Variants in NOL7 observed in about 807,000 individuals in gnomAD.
The protein encoded by NOL7 is U3 small nucleolar RNA-associated protein NOL7.
NOL7 carries 36 observed loss-of-function variants against 38.4 expected under a neutral mutation model. The observed-to-expected ratio is 0.94, with a 90% confidence interval of 0.72 to 1.24. NOL7 has a LOEUF of 1.24. Ranked by LOEUF, NOL7 falls within the 50% of genes most tolerant of loss-of-function variation. The pLI, the probability that NOL7 is intolerant of heterozygous loss-of-function variation, is 0.00. For missense variants in NOL7, 350 were observed against 315.1 expected (o/e 1.11, Z -0.84); for synonymous variants, 142 against 126.5 (o/e 1.12, Z -0.82).
rs1284934253 is a variant in NOL7, at chr6:13,621,097, A to C, written c.*270A>C. 1 of 210,546 alleles carries C rather than the reference A, an allele frequency of 4.7e-6. No individual in the cohort carries two copies. The highest frequency in any genetic ancestry group is 5.5e-5 in the Admixed American group (1 of 18,114). The allele number at this position is 210,546 out of a possible 1,614,324, so 13.0% of individuals were successfully genotyped here. A position where few individuals can be genotyped will look rare whatever the true frequency, so the allele number is the denominator to read the frequency against. On this transcript the variant is annotated 3_prime_UTR_variant, in exon 8 of 8. Transcript: ENST00000451315. Reference sequence around the variant, plus strand: ...ACCTCTTCTACTCTCCCCGGGTTAGAGGGGTGGCAAAAATGGCACGGACTA... The same window carrying C: ...ACCTCTTCTACTCTCCCCGGGTTAGCGGGGTGGCAAAAATGGCACGGACTA...
At chr6:13,626,262 TTCAG>T (rs1392074826), downstream of NOL7, among the ~76,000 whole-genome samples, 1 of 152,264 alleles carries the variant, frequency 6.6e-6, no homozygotes, top group African/African-American at 2.4e-5. Flanking sequence ...TGTTTATGCA[TTCAG>T]TATTTCCAAC....
At chr6:13,629,139 C>T (rs1355416320) in intron 8 of NOL7, among the ~76,000 whole-genome samples, 1 of 152,152 alleles carries the variant, frequency 6.6e-6, no homozygotes, top group Non-Finnish European at 1.5e-5. Flanking sequence ...GAGACAGGGT[C>T]TTGCTATGTC....
At chr6:13,618,973 CT>C (rs554539616) in intron 5 of NOL7, among the ~76,000 whole-genome samples, 98 of 152,190 alleles carry the variant, frequency 6.4e-4, no homozygotes, top group African/African-American at 2.1e-3. Context: ...AGTTCAAAAA[CT>C]TTTTTTTAGT....
At position 13,620,132 on chromosome 6, in the gene NOL7, G is replaced by C. The variant is rs895665701; in HGVS notation, c.501-76G>C. On this transcript the variant is annotated intron_variant, in intron 5 of 7. Transcript: ENST00000451315. ...TCGCGCAGCCTGGGTGACAGAGCGA[G>C]ACTCTGTCTCAGGAAGAAAAAAAAA... is the stretch of plus-strand genomic sequence containing the variant. 11 of 1,473,704 alleles carry C rather than the reference G, an allele frequency of 7.5e-6. No homozygotes were observed. The African/African-American group carries it at 1.6e-4, about 21-fold the overall frequency. 91.3% of individuals were successfully genotyped at this position (1,473,704 alleles called of 1,614,324 possible).
At chr6:13,619,352 T>A (rs550156900) in intron 5 of NOL7, among the ~76,000 whole-genome samples, 5 of 152,392 alleles carry the variant, frequency 3.3e-5, no homozygotes, top group African/African-American at 1.2e-4. Flanking sequence ...TGGCCGATAC[T>A]GTGGACGATG....
chr6:13,624,791 C>T (rs1408524343), downstream of NOL7, among the ~76,000 whole-genome samples: 3 of 152,180 alleles, frequency 2.0e-5, no homozygotes, highest in African/African-American at 7.2e-5. Flanking sequence ...CCTCACCCAC[C>T]CTTTTTATTG....
intron 3 of NOL7, among the ~76,000 whole-genome samples, chr6:13,617,549 C>G: frequency 6.6e-6 from 1 of 152,168 alleles, no homozygotes; most frequent in East Asian, 1.9e-4. Flanking sequence ...CTAATAGGCT[C>G]TCAGATTTTA....
chr6:13,630,849 T>C (rs1434948207), intron 8 of NOL7, among the ~76,000 whole-genome samples: 1 of 152,124 alleles, frequency 6.6e-6, no homozygotes, highest in African/African-American at 2.4e-5. Flanking sequence ...TTCTATTTTT[T>C]TTTTTTTAAG....
rs1764428186 is a variant in NOL7 at position 13,620,956 on chromosome 6, T to C, written c.*129T>C. ...TGAGGAAGTGCTCAACCACATTTCA[T>C]TCTTCTGGAGTAGAACTGTGCCTTG... On this transcript the variant is annotated 3_prime_UTR_variant, in exon 8 of 8. Transcript: ENST00000451315. 3.3e-6 allele frequency: 2 copies of C among 605,884 alleles called. No homozygotes were observed. The highest frequency in any genetic ancestry group is 5.7e-6 in the Non-Finnish European group (2 of 352,970). The allele number at this position is 605,884 out of a possible 1,614,324, so 37.5% of individuals were successfully genotyped here. A position where few individuals can be genotyped will look rare whatever the true frequency, so the allele number is the denominator to read the frequency against.
chr6:13,631,364 T>C (rs1310648403), intron 8 of NOL7, among the ~76,000 whole-genome samples: 2 of 152,216 alleles, frequency 1.3e-5, no homozygotes, highest in Non-Finnish European at 2.9e-5. Flanking sequence ...TGTCCTACAC[T>C]TGTGCTATGT....
intron 5 of NOL7, among the ~76,000 whole-genome samples, chr6:13,618,697 CTAGG>C (rs1764354059): frequency 6.6e-6 from 1 of 151,834 alleles, no homozygotes; most frequent in Admixed American, 6.6e-5. Context: ...CAAGACCAGC[CTAGG>C]CAACATGGTA....
chr6:13,627,820 T>C (rs1358791656), intron 8 of NOL7, among the ~76,000 whole-genome samples: 1 of 152,060 alleles, frequency 6.6e-6, no homozygotes, highest in East Asian at 1.9e-4. Context: ...ACTATATTCA[T>C]AGCCTACATC....
intron 3 of NOL7, among the ~76,000 whole-genome samples, chr6:13,617,465 CT>C (rs1313864195): frequency 7.2e-5 from 11 of 152,190 alleles, no homozygotes; most frequent in Admixed American, 4.6e-4. Flanking sequence ...ATTTCAAATA[CT>C]TTATAACTTG....
At chr6:13,622,228 G>C, downstream of NOL7, 1 of 872,498 alleles carries the variant, frequency 1.1e-6, no homozygotes, top group Non-Finnish European at 1.6e-6. Context: ...CTGTAAACTA[G>C]GAAGCAATGT....
chr6:13,628,059 T>C (rs551240556), intron 8 of NOL7, among the ~76,000 whole-genome samples: 10 of 152,190 alleles, frequency 6.6e-5, no homozygotes, highest in Non-Finnish European at 1.3e-4. Flanking sequence ...TGCACTAATA[T>C]TGTGTGAAGA....
rs143778341 is a variant in NOL7, at chr6:13,620,230, G to A, written c.523G>A (p.Val175Ile). The change falls in exon 6 of 8, where the codon GTA becomes ATA. Residue 175 changes from valine to isoleucine, a missense_variant. Val to Ile is a conservative substitution (Grantham distance 29). Coordinates refer to ENST00000451315, the MANE Select transcript of NOL7 (RefSeq NM_016167.5). ...SVSQNKSYLA[V>I]RLKDQDLRDS... Reference sequence around the variant, plus strand: ...CAGCCAGAATAAAAGCTACTTGGCCGTAAGGCTAAAAGACCAAGATCTGAG... The same window carrying A: ...CAGCCAGAATAAAAGCTACTTGGCCATAAGGCTAAAAGACCAAGATCTGAG... The A allele has an allele frequency of 1.9e-5, 31 of 1,613,264 alleles. No homozygotes were observed. In the East Asian group the frequency reaches 2.7e-4, roughly 14 times the overall value.
Position 13,620,764 on chromosome 6 carries a change from A to G in NOL7, c.711A>G (p.Lys237=), listed in dbSNP as rs1424817454. The G allele has an allele frequency of 6.3e-7, 1 of 1,595,968 alleles. No individual in the cohort carries two copies. The highest frequency in any genetic ancestry group is 8.5e-7 in the Non-Finnish European group (1 of 1,172,966). The stretch of plus-strand genomic sequence containing the variant: ...AACTTTATATTCTAGGAATCCAAAA[A>G]AAACAAAATGCCAAGAGGTTTAAAA... ...QFLNNAWGIQ[K]KQNAKRFKRR... Residue 237 remains lysine (K), a synonymous_variant, in exon 8 of 8, where the codon AAA becomes AAG. Coordinates refer to ENST00000451315, the MANE Select transcript of NOL7 (RefSeq NM_016167.5).
intron 8 of NOL7, among the ~76,000 whole-genome samples, chr6:13,627,983 ATACT>A (rs1445534027): frequency 6.6e-6 from 1 of 152,230 alleles, no homozygotes; most frequent in African/African-American, 2.4e-5. Context: ...GGAAAAAAAA[ATACT>A]ACTACACTGC....
intron 8 of NOL7, among the ~76,000 whole-genome samples, chr6:13,627,093 G>C (rs1764629620): frequency 6.6e-6 from 1 of 152,100 alleles, no homozygotes; most frequent in Admixed American, 6.5e-5. Flanking sequence ...GAAGTTCTTT[G>C]AAGATAAAAA....
Sources: allele counts gnomAD v4.1 joint callset (sites outside exome capture counted in the v4.1 genomes callset), GRCh38; gene constraint gnomAD v4.1.1; transcripts MANE v1.5; gene names NCBI Gene and HGNC (gene_info 2026-07-23, HGNC 2026-07-21).